CDH18: variants seen among roughly 807,000 people sequenced by gnomAD.
CDH18 encodes cadherin-18.
Under a neutral mutation model 67.9 loss-of-function variants are expected in CDH18, and 31 were observed. The ratio of observed to expected loss-of-function variants is 0.46; its 90% CI spans 0.34 to 0.62. The LOEUF (loss-of-function observed/expected upper bound fraction) is 0.62, where lower values mean the gene tolerates loss of function less well. Ranked by LOEUF, CDH18 falls within the 20% of genes least tolerant of loss-of-function variation. CDH18 has a pLI of 0.01. For synonymous variants in CDH18, 362 were observed against 347.2 expected (o/e 1.04, Z -0.48); for missense variants, 890 against 975.5 (o/e 0.91, Z 1.17).
intron 1 of CDH18, among the ~76,000 whole-genome samples, chr5:20,475,932 C>T (rs1290057509): frequency 6.6e-6 from 1 of 152,154 alleles, no homozygotes; most frequent in African/African-American, 2.4e-5. Context: ...GATGTGTCTG[C>T]AGTCATTCAA....
At chr5:20,327,308 ACTTAT>A (rs1738692590) in intron 1 of CDH18, among the ~76,000 whole-genome samples, 1 of 152,146 alleles carries the variant, frequency 6.6e-6, no homozygotes, top group African/African-American at 2.4e-5. Flanking sequence ...TCTCTTGCTT[ACTTAT>A]CTTATGTAAA....
chr5:19,814,770 C>G (rs986897383), intron 3 of CDH18, among the ~76,000 whole-genome samples: 1 of 151,496 alleles, frequency 6.6e-6, no homozygotes, highest in Non-Finnish European at 1.5e-5. Flanking sequence ...AATAGACAAG[C>G]CCTGGAAAAA....
intron 1 of CDH18, among the ~76,000 whole-genome samples, chr5:20,352,153 A>ATTTTTTTTT (rs1741233416): frequency 6.6e-6 from 1 of 152,022 alleles, no homozygotes; most frequent in Non-Finnish European, 1.5e-5. Flanking sequence ...TTTATAGCAG[A>ATTTTTTTTT]TTTTCTTCTG....
intron 1 of CDH18, among the ~76,000 whole-genome samples, chr5:20,509,407 C>CTTAT (rs1554011872): frequency 1.4e-5 from 2 of 139,338 alleles, no homozygotes; most frequent in African/African-American, 5.3e-5. Context: ...CAGGATTTCC[C>CTTAT]TTTTTTTTTT....
chr5:20,056,680 CTTTTTTTTTTT>C (rs397758122), intron 2 of CDH18, among the ~76,000 whole-genome samples: 8 of 70,022 alleles, frequency 1.1e-4, no homozygotes, highest in Admixed American at 6.3e-4. Flanking sequence ...TCTATATTCT[CTTTTTTTTTTT>C]TTTTTTTTTT....
intron 3 of CDH18, among the ~76,000 whole-genome samples, chr5:19,793,126 A>G (rs1776531102): frequency 6.6e-6 from 1 of 152,050 alleles, no homozygotes; most frequent in South Asian, 2.1e-4. Context: ...AATTCTATAA[A>G]TCTTCACCTA....
chr5:19,952,664 C>T (rs1911842), intron 2 of CDH18, among the ~76,000 whole-genome samples: 64,859 of 151,994 alleles, frequency 0.43, 16,150 homozygotes, highest in Middle Eastern at 0.65. Flanking sequence ...AATTATATTT[C>T]ATTGCACTTT....
intron 2 of CDH18, among the ~76,000 whole-genome samples, chr5:19,940,119 T>G (rs1794670799): frequency 6.6e-6 from 1 of 151,884 alleles, no homozygotes; most frequent in South Asian, 2.1e-4. Flanking sequence ...TTTAACTTTA[T>G]TTTTATACCT....
chr5:20,537,831 T>C (rs911554563), intron 1 of CDH18, among the ~76,000 whole-genome samples: 2 of 152,210 alleles, frequency 1.3e-5, no homozygotes, highest in Non-Finnish European at 2.9e-5. Flanking sequence ...TACTTTGTCG[T>C]CCTCTGTGTT....
At chr5:19,506,629 AG>A (rs1744213646) in intron 10 of CDH18, among the ~76,000 whole-genome samples, 1 of 152,188 alleles carries the variant, frequency 6.6e-6, no homozygotes, top group Non-Finnish European at 1.5e-5. Context: ...ATCTTTAACA[AG>A]CCTGGCAAAA....
At chr5:19,998,917 A>G (rs1736225262) in intron 2 of CDH18, among the ~76,000 whole-genome samples, 1 of 152,168 alleles carries the variant, frequency 6.6e-6, no homozygotes, top group African/African-American at 2.4e-5. Context: ...CCTGGCAGTA[A>G]ATGAAAAAAA....
chr5:19,577,472 T>C (rs1021423144), intron 7 of CDH18, among the ~76,000 whole-genome samples: 5 of 152,172 alleles, frequency 3.3e-5, no homozygotes, highest in African/African-American at 1.2e-4. Context: ...TGTTTATAAC[T>C]GTTATCTTAT....
At chr5:19,787,822 T>TATATATATATATATATAC (rs1339245378) in intron 3 of CDH18, among the ~76,000 whole-genome samples, 1 of 150,224 alleles carries the variant, frequency 6.7e-6, no homozygotes, top group Non-Finnish European at 1.5e-5. Context: ...TATATATATA[T>TATATATATATATATATAC]ATATATGTTT....
rs569359245 is a variant in CDH18, at chr5:20,119,023, T to G, written c.-517-127009A>C. On this transcript the variant is annotated intron_variant, in intron 2 of 14. Coordinates refer to the CDH18 transcript ENST00000507958. ...ATTTTGCACAATTATACTTTATATATTGGGATCACAATTTCTCAGTTCAAG... is the reference window on the plus strand; with the variant it reads ...ATTTTGCACAATTATACTTTATATAGTGGGATCACAATTTCTCAGTTCAAG... 7.9e-5 allele frequency among the ~76,000 whole-genome samples: 12 copies of G among 152,256 alleles called. 1 individual carries two copies. The South Asian group carries it at 2.5e-3, about 32-fold the overall frequency.
intron 6 of CDH18, among the ~76,000 whole-genome samples, chr5:19,609,196 AAGG>A (rs778148803): frequency 6.6e-6 from 1 of 151,920 alleles, no homozygotes; most frequent in East Asian, 1.9e-4. Flanking sequence ...TTTTCTCTAG[AAGG>A]AGAAGTACAC....
intron 2 of CDH18, among the ~76,000 whole-genome samples, chr5:19,881,925 C>T (rs1387506596): frequency 6.6e-6 from 1 of 152,002 alleles, no homozygotes; most frequent in Admixed American, 6.6e-5. Flanking sequence ...TCCTGTAGTT[C>T]AACAGGGGAA....
In CDH18 at chr5:20,122,429, T is replaced by C. The variant is rs79230345; in HGVS notation, c.-517-130415A>G. On this transcript the variant is annotated intron_variant, in intron 2 of 14. Coordinates refer to the CDH18 transcript ENST00000507958. The stretch of plus-strand genomic sequence containing the variant: ...AAATGTTATGTTTCATTGAACACCA[T>C]CAGGTTTTTATGAAAAAGAAAACAG... 8.4e-3 allele frequency among the ~76,000 whole-genome samples: 1,281 copies of C among 152,258 alleles called. 86 individuals carry two copies. The East Asian group carries it at 0.19, about 22-fold the overall frequency.
intron 11 of CDH18, among the ~76,000 whole-genome samples, chr5:19,491,876 C>G (rs547381750): frequency 6.6e-6 from 1 of 151,780 alleles, no homozygotes; most frequent in African/African-American, 2.4e-5. Context: ...AATGACACTC[C>G]AAGAAATCTT....
chr5:20,234,027 T>C (rs1262342406), intron 2 of CDH18, among the ~76,000 whole-genome samples: 1 of 152,098 alleles, frequency 6.6e-6, no homozygotes, highest in Non-Finnish European at 1.5e-5. Flanking sequence ...CAAACTCACA[T>C]GTACCATAAT....
Sources: allele counts gnomAD v4.1 joint callset (sites outside exome capture counted in the v4.1 genomes callset), GRCh38; gene constraint gnomAD v4.1.1; transcripts MANE v1.5; gene names NCBI Gene and HGNC (gene_info 2026-07-23, HGNC 2026-07-21).